PABPC4L: variants seen among roughly 807,000 people sequenced by gnomAD.
PABPC4L encodes the protein poly(A) binding protein cytoplasmic 4 like, also known as polyadenylate-binding protein 4-like.
For missense variants in PABPC4L, 452 were observed against 451.4 expected (o/e 1.00, Z -0.01); for synonymous variants, 169 against 164.1 (o/e 1.03, Z -0.23).
At chr4:134,153,243 A>T in the PABPC4L span, among the ~76,000 whole-genome samples, 1 of 152,098 alleles carries the variant, frequency 6.6e-6, no homozygotes, top group African/African-American at 2.4e-5. Context: ...TATTAATCGC[A>T]ATATAAAATT....
the PABPC4L span, among the ~76,000 whole-genome samples, chr4:134,168,247 T>C: frequency 6.6e-6 from 1 of 152,006 alleles, no homozygotes; most frequent in East Asian, 1.9e-4. Flanking sequence ...AAACACAGCA[T>C]GCCCAAATCT....
At chr4:134,147,990 C>A in the PABPC4L span, among the ~76,000 whole-genome samples, 1 of 151,992 alleles carries the variant, frequency 6.6e-6, no homozygotes, top group Admixed American at 6.6e-5. Flanking sequence ...ACTTGAGAGG[C>A]ACAGGAGCTG....
the PABPC4L span, among the ~76,000 whole-genome samples, chr4:134,171,322 G>A: frequency 6.6e-6 from 1 of 152,016 alleles, no homozygotes; most frequent in East Asian, 1.9e-4. Flanking sequence ...CACCATGTTG[G>A]CCAGGTTGGT....
At chr4:134,193,397 T>A (rs962532897), downstream of PABPC4L, among the ~76,000 whole-genome samples, 17 of 152,026 alleles carry the variant, frequency 1.1e-4, no homozygotes, top group East Asian at 1.9e-4. Context: ...ATATATTTTT[T>A]AAAAATATAA....
the PABPC4L span, among the ~76,000 whole-genome samples, chr4:133,964,783 A>G: frequency 6.6e-6 from 1 of 152,006 alleles, no homozygotes; most frequent in African/African-American, 2.4e-5. Context: ...TATGATTAAA[A>G]CTCTCAGCAA....
At chr4:134,063,191 T>C in the PABPC4L span, among the ~76,000 whole-genome samples, 1 of 152,092 alleles carries the variant, frequency 6.6e-6, no homozygotes, top group Non-Finnish European at 1.5e-5. Flanking sequence ...ACTAGAGGCA[T>C]TTATCTGTTC....
At chr4:134,069,484 A>G in the PABPC4L span, among the ~76,000 whole-genome samples, 1 of 152,120 alleles carries the variant, frequency 6.6e-6, no homozygotes, top group African/African-American at 2.4e-5. Flanking sequence ...GTCTCTTTAC[A>G]TAATCCCATA....
the PABPC4L span, among the ~76,000 whole-genome samples, chr4:133,962,594 A>G: frequency 6.6e-6 from 1 of 152,190 alleles, no homozygotes; most frequent in African/African-American, 2.4e-5. Flanking sequence ...GGTAACCTAT[A>G]AAGGAAAACC....
the PABPC4L span, among the ~76,000 whole-genome samples, chr4:133,973,254 A>T: frequency 6.6e-6 from 1 of 151,786 alleles, no homozygotes; most frequent in East Asian, 1.9e-4. Flanking sequence ...TTCTAAAAAC[A>T]AACAAAGAAA....
chr4:134,149,470 A>G, the PABPC4L span, among the ~76,000 whole-genome samples: 2 of 152,164 alleles, frequency 1.3e-5, no homozygotes, highest in Non-Finnish European at 2.9e-5. Context: ...TCGGTTTACT[A>G]ATCGTTGCCC....
the PABPC4L span, among the ~76,000 whole-genome samples, chr4:134,041,118 T>C: frequency 6.6e-6 from 1 of 152,130 alleles, no homozygotes; most frequent in East Asian, 1.9e-4. Flanking sequence ...ACTTTTACAC[T>C]GTTGGTGGCA....
chr4:134,080,144 T>G, the PABPC4L span, among the ~76,000 whole-genome samples: 1 of 152,122 alleles, frequency 6.6e-6, no homozygotes, highest in Admixed American at 6.6e-5. Context: ...TTCAGAACAT[T>G]TGGAAAAATA....
chr4:134,120,769 G>A, the PABPC4L span, among the ~76,000 whole-genome samples: 1 of 151,148 alleles, frequency 6.6e-6, no homozygotes, highest in Non-Finnish European at 1.5e-5. Flanking sequence ...TTCTCTTTAT[G>A]TTTGCTTTTT....
the PABPC4L span, among the ~76,000 whole-genome samples, chr4:134,170,690 T>G: frequency 6.6e-6 from 1 of 152,030 alleles, no homozygotes; most frequent in Admixed American, 6.6e-5. Context: ...ACCAAGAGGA[T>G]GACAATAGAC....
the PABPC4L span, among the ~76,000 whole-genome samples, chr4:134,184,549 C>T: frequency 6.6e-6 from 1 of 151,910 alleles, no homozygotes; most frequent in Non-Finnish European, 1.5e-5. Flanking sequence ...TTTAAGATTC[C>T]TCCATATCTT....
At chr4:134,079,900 T>G in the PABPC4L span, among the ~76,000 whole-genome samples, 1 of 152,138 alleles carries the variant, frequency 6.6e-6, no homozygotes, top group South Asian at 2.1e-4. Context: ...TTCAGAAAAC[T>G]ATATAGTTTA....
At chr4:133,963,157 G>A in the PABPC4L span, among the ~76,000 whole-genome samples, 1 of 152,052 alleles carries the variant, frequency 6.6e-6, no homozygotes. Flanking sequence ...GGCATTTCAC[G>A]AAAATGGACA....
chr4:134,126,609 TA>T, the PABPC4L span, among the ~76,000 whole-genome samples: 1 of 152,110 alleles, frequency 6.6e-6, no homozygotes, highest in Admixed American at 6.6e-5. Context: ...TTTTGGTTTT[TA>T]TTTTTTCCTC....
At chr4:134,157,016 AT>A in the PABPC4L span, among the ~76,000 whole-genome samples, 48 of 151,572 alleles carry the variant, frequency 3.2e-4, no homozygotes, top group Non-Finnish European at 5.2e-4. Flanking sequence ...TATTAATTCA[AT>A]TTTTTTTCTA....
Sources: allele counts gnomAD v4.1 joint callset (sites outside exome capture counted in the v4.1 genomes callset), GRCh38; gene constraint gnomAD v4.1.1; transcripts MANE v1.5; gene names NCBI Gene and HGNC (gene_info 2026-07-23, HGNC 2026-07-21).